The following ATXN10 variants were observed in gnomAD, a reference collection of about 807,000 sequenced individuals.
ATXN10 encodes the protein ataxin 10.
Under a neutral mutation model 52.9 loss-of-function variants are expected in ATXN10, and 28 were observed. That is an observed-to-expected ratio of 0.53 (90% CI 0.39 to 0.73). The LOEUF (loss-of-function observed/expected upper bound fraction) is 0.73. Ranked by LOEUF, ATXN10 falls within the 30% of genes least tolerant of loss-of-function variation. The pLI is 0.00. For synonymous variants in ATXN10, 226 were observed against 221.5 expected, an observed-to-expected ratio of 1.02 and a Z score of -0.18; for missense variants, 565 against 577.0, an observed-to-expected ratio of 0.98 and a Z score of 0.21.
chr22:45,802,490 C>T (rs945343698), intron 9 of ATXN10, among the ~76,000 whole-genome samples: 3 of 152,186 alleles, frequency 2.0e-5, no homozygotes, highest in African/African-American at 4.8e-5. Flanking sequence ...TTCCCAGTGA[C>T]CTTAACCTGT....
intron 10 of ATXN10, among the ~76,000 whole-genome samples, chr22:45,830,737 A>G (rs1188520507): frequency 1.3e-5 from 2 of 152,134 alleles, no homozygotes; most frequent in Non-Finnish European, 2.9e-5. Context: ...TGGAGAAATC[A>G]GAACTCCCAT....
intron 9 of ATXN10, among the ~76,000 whole-genome samples, chr22:45,753,447 C>G (rs933177454): frequency 1.8e-5 from 2 of 111,068 alleles, no homozygotes; most frequent in East Asian, 6.3e-4. Context: ...TCGCTCTTGC[C>G]CAGGCTGGAG....
At position 45,819,222 on chromosome 22, in the gene ATXN10, GAATA is replaced by G. The variant is rs1276992867; in HGVS notation, c.1237+12201_1237+12204del. 8.3e-5 allele frequency among the ~76,000 whole-genome samples: 12 copies of G among 145,026 alleles called. No individual in the cohort carries two copies. Among genetic ancestry groups the G allele is most frequent in the Admixed American group, 2.0e-4 (3 of 14,898 alleles). On this transcript the variant is annotated intron_variant, in intron 10 of 11. Transcript: ENST00000252934. This position sits in a 1 kb window ranked among gnomAD's most constrained non-coding sequence, Gnocchi z 4.5. ...GAATAGAATAGAATAGAATAGAATA[GAATA>G]GAATAGAATAGAATAGAATAGAATA...
chr22:45,696,048 A>C lies in ATXN10; in HGVS notation c.391+2970A>C, dbSNP rs1200430631. Among the ~76,000 whole-genome samples the C allele has an allele frequency of 6.6e-6, 1 of 152,214 alleles. No individual in the cohort carries two copies. Among genetic ancestry groups the C allele is most frequent in the Non-Finnish European group, 1.5e-5 (1 of 68,046 alleles). On this transcript the variant is annotated intron_variant, in intron 3 of 11. Coordinates refer to ENST00000252934, the MANE Select transcript of ATXN10 (RefSeq NM_013236.4). The surrounding 1 kb of genome is among the most constrained non-coding windows in gnomAD (Gnocchi z 4.7). Reference sequence around the variant, plus strand: ...AATTAAAAATTAATTACTTCCTTTAAGAATTTACAGACAAAGTGCATCACC... The same window carrying C: ...AATTAAAAATTAATTACTTCCTTTACGAATTTACAGACAAAGTGCATCACC...
chr22:45,807,096 G>A (rs761865157), intron 10 of ATXN10, 74 bp downstream of exon 10: 2 of 1,196,972 alleles, frequency 1.7e-6, no homozygotes, highest in East Asian at 4.7e-5. Flanking sequence ...CTTGCCTCAT[G>A]TTCATTCAGT....
In ATXN10 at chr22:45,729,453, A is replaced by G. The variant is rs1393324362; in HGVS notation, c.757A>G (p.Lys253Glu). Reference protein sequence around the residue: ...RVTLLDLMIAKITSDEPLTKD... With the variant: ...RVTLLDLMIAEITSDEPLTKD... ...TACACTGTTAGACCTTATGATAGCCAAGATAACGAGTGATGAGCCACTCAC... is the reference window on the plus strand; with the variant it reads ...TACACTGTTAGACCTTATGATAGCCGAGATAACGAGTGATGAGCCACTCAC... The change falls in exon 7 of 12, where the codon AAG becomes GAG. Residue 253 changes from lysine to glutamate, a missense_variant. By Grantham distance (56) the Lys-to-Glu change is moderately conservative. Transcript: ENST00000252934. 1 of 1,614,190 alleles carries G rather than the reference A, an allele frequency of 6.2e-7. No homozygotes were observed. The highest frequency in any genetic ancestry group is 8.5e-7 in the Non-Finnish European group (1 of 1,180,030).
intron 10 of ATXN10, among the ~76,000 whole-genome samples, chr22:45,836,511 C>T (rs951787730): frequency 6.6e-6 from 1 of 152,090 alleles, no homozygotes; most frequent in East Asian, 1.9e-4. Flanking sequence ...CCATGAAACT[C>T]CAGGAAGCCC....
rs74562990 is a variant in ATXN10, at chr22:45,718,615, G to A, written c.728+122G>A. The A allele has an allele frequency of 2.9e-3, 2,657 of 911,080 alleles. 50 individuals are homozygous for A. In the African/African-American group the frequency reaches 0.037, roughly 13 times the overall value. The allele number at this position is 911,080 out of a possible 1,614,324, so 56.4% of individuals were successfully genotyped here. A position where few individuals can be genotyped will look rare whatever the true frequency, so the allele number is the denominator to read the frequency against. ...AGAATCTCTAAATACATGTTTCTGTGTTGGTAATGGTTTTAAATTGGTTGG... is the reference window on the plus strand; with the variant it reads ...AGAATCTCTAAATACATGTTTCTGTATTGGTAATGGTTTTAAATTGGTTGG... On this transcript the variant is annotated intron_variant, in intron 6 of 11. Coordinates refer to ENST00000252934, the MANE Select transcript of ATXN10 (RefSeq NM_013236.4). This position sits in a 1 kb window ranked among gnomAD's most constrained non-coding sequence, Gnocchi z 4.4.
At chr22:45,749,960 A>C (rs1925885296) in intron 9 of ATXN10, among the ~76,000 whole-genome samples, 1 of 152,234 alleles carries the variant, frequency 6.6e-6, no homozygotes, top group African/African-American at 2.4e-5. Context: ...GTAGACACAG[A>C]AAGGGAGACA....
chr22:45,688,904 A>C lies in ATXN10; in HGVS notation c.117-808A>C, dbSNP rs76531556. On this transcript the variant is annotated intron_variant, in intron 1 of 11. Coordinates refer to ENST00000252934, the MANE Select transcript of ATXN10 (RefSeq NM_013236.4). This position sits in a 1 kb window ranked among gnomAD's most constrained non-coding sequence, Gnocchi z 4.0. Reference sequence around the variant, plus strand: ...AGGAAGTTGGCTTGCATTTAGGTGCAATGTTGCACAAAAAATTCTTATCTT... The same window carrying C: ...AGGAAGTTGGCTTGCATTTAGGTGCCATGTTGCACAAAAAATTCTTATCTT... 3.1e-3 allele frequency among the ~76,000 whole-genome samples: 472 copies of C among 152,346 alleles called. 2 individuals are homozygous for C. Among genetic ancestry groups the C allele is most frequent in the South Asian group, 0.01 (49 of 4,822 alleles).
At chr22:45,731,651 A>G (rs6007148) in intron 7 of ATXN10, among the ~76,000 whole-genome samples, 1,964 of 152,272 alleles carry the variant, frequency 0.013, 34 homozygotes, top group African/African-American at 0.045. Flanking sequence ...GCGGGAATGT[A>G]GAGAATGTGA....
At chr22:45,672,325 G>A in intron 1 of ATXN10, 146 bp downstream of exon 1, 1 of 923,496 alleles carries the variant, frequency 1.1e-6, no homozygotes. Flanking sequence ...GCGCCACCCA[G>A]GCCTCCCGAC....
rs1458616077 is a variant in ATXN10, at chr22:45,701,206, TA to T, written c.488+829del. On this transcript the variant is annotated intron_variant, in intron 4 of 11. Coordinates refer to ENST00000252934, the MANE Select transcript of ATXN10 (RefSeq NM_013236.4). This position sits in a 1 kb window ranked among gnomAD's most constrained non-coding sequence, Gnocchi z 4.2. Reference sequence around the variant, plus strand: ...TACCCTGAACTGGGCATTATCCGTATATTTTTTCTGTTCTCACAATAGCCTG... The same window carrying T: ...TACCCTGAACTGGGCATTATCCGTATTTTTTTCTGTTCTCACAATAGCCTG... Among the ~76,000 whole-genome samples the T allele has an allele frequency of 3.3e-5, 5 of 152,328 alleles. No individual in the cohort carries two copies. Among genetic ancestry groups the T allele is most frequent in the African/African-American group, 4.8e-5 (2 of 41,558 alleles).
chr22:45,773,790 T>A (rs1039902070), intron 9 of ATXN10, among the ~76,000 whole-genome samples: 2 of 151,926 alleles, frequency 1.3e-5, no homozygotes, highest in African/African-American at 4.8e-5. Flanking sequence ...GAAGAAACAG[T>A]AAAAAATAAT....
chr22:45,746,024 T>G (rs973003648), intron 9 of ATXN10, among the ~76,000 whole-genome samples: 1 of 152,170 alleles, frequency 6.6e-6, no homozygotes, highest in African/African-American at 2.4e-5. Flanking sequence ...TTTACTGTAA[T>G]TTGCCATCGT....
intron 2 of ATXN10, among the ~76,000 whole-genome samples, chr22:45,691,830 T>C (rs1601590953): frequency 6.6e-6 from 1 of 152,046 alleles, no homozygotes; most frequent in African/African-American, 2.4e-5. Context: ...AAAGCGGAGG[T>C]TGCAGTGAGC....
At chr22:45,747,052 C>T (rs770231068) in intron 9 of ATXN10, among the ~76,000 whole-genome samples, 1 of 152,178 alleles carries the variant, frequency 6.6e-6, no homozygotes, top group Admixed American at 6.5e-5. Flanking sequence ...TGTCCTTGCT[C>T]CTCCCTTGAT....
rs577661272 is a variant in ATXN10 at position 45,690,650 on chromosome 22, G to C, written c.308+747G>C. Among the ~76,000 whole-genome samples, 2 of 152,276 alleles carry C rather than the reference G, an allele frequency of 1.3e-5. No homozygotes were observed. The highest frequency in any genetic ancestry group is 4.2e-4 in the South Asian group (2 of 4,812). On this transcript the variant is annotated intron_variant, in intron 2 of 11. Transcript: ENST00000252934. The surrounding 1 kb of genome is among the most constrained non-coding windows in gnomAD (Gnocchi z 4.5). ...AGCATATTTTGTAAATTTACAAGAT[G>C]ACCTGTCTTTCCTAAAGATCATGTA...
In ATXN10 at chr22:45,729,415, T is replaced by C. The variant is rs1199659474; in HGVS notation, c.729-10T>C. The C allele has an allele frequency of 5.0e-6, 8 of 1,613,854 alleles. No individual in the cohort carries two copies. Among genetic ancestry groups the C allele is most frequent in the Non-Finnish European group, 6.8e-6 (8 of 1,179,832 alleles). On this transcript the variant is annotated splice_polypyrimidine_tract_variant and intron_variant, in intron 6 of 11. Transcript: ENST00000252934. ...TATAGATTCATGCAGAAATCCTTTA[T>C]GTTTTACAGAGTTACACTGTTAGAC... is the stretch of plus-strand genomic sequence containing the variant.
Sources: gnomAD v4.1 joint callset for allele counts (sites outside exome capture counted in the v4.1 genomes callset) on GRCh38, gnomAD v4.1.1 for gene constraint, Gnocchi (gnomAD v3.1) non-coding constraint, MANE v1.5 for transcripts, NCBI Gene and HGNC (gene_info 2026-07-23, HGNC 2026-07-21) for gene names.